The following PCDH9 variants were observed in gnomAD, a reference collection of about 807,000 sequenced individuals.
PCDH9 encodes the protein protocadherin 9.
In PCDH9, 24 loss-of-function variants were observed where a neutral mutation model predicts 70.6. The observed-to-expected ratio is 0.34, with a 90% CI of 0.25 to 0.48. The LOEUF is 0.48. Ranked by LOEUF, PCDH9 falls within the 20% of genes least tolerant of loss-of-function variation. The pLI is 0.99. For synonymous variants in PCDH9, 562 were observed against 558.5 expected, an observed-to-expected ratio of 1.01 and a Z score of -0.09; for missense variants, 1,281 against 1,503.6, an observed-to-expected ratio of 0.85 and a Z score of 2.45.
intron 2 of PCDH9, among the ~76,000 whole-genome samples, chr13:67,008,454 T>C (rs2084394419): frequency 6.6e-6 from 1 of 152,202 alleles, no homozygotes; most frequent in Non-Finnish European, 1.5e-5. Flanking sequence ...TCGGGAAATA[T>C]GCTGACTCTA....
chr13:67,204,681 T>C (rs1032404620), intron 2 of PCDH9: 1 of 152,182 alleles, frequency 6.6e-6, no homozygotes, highest in African/African-American at 2.4e-5. Context: ...CACTACAAAT[T>C]ATCACCAACA....
At chr13:66,659,504 G>A (rs912331592) in intron 3 of PCDH9, among the ~76,000 whole-genome samples, 2 of 135,446 alleles carry the variant, frequency 1.5e-5, no homozygotes, top group Admixed American at 7.3e-5. Flanking sequence ...ACCAGATACA[G>A]TTTAATGTGG....
intron 4 of PCDH9, among the ~76,000 whole-genome samples, chr13:66,556,683 T>A (rs549356366): frequency 1.3e-5 from 2 of 152,182 alleles, no homozygotes; most frequent in Admixed American, 1.3e-4. Flanking sequence ...AATTTAATCA[T>A]AAAAATTTTT....
At chr13:67,225,354 G>A in intron 2 of PCDH9, 51 bp downstream of exon 2, 1 of 1,547,080 alleles carries the variant, frequency 6.5e-7, no homozygotes, top group South Asian at 1.1e-5. Context: ...AATACTGGTT[G>A]ACTGGGCACT....
At chr13:66,622,020 C>G (rs1304665965) in intron 4 of PCDH9, among the ~76,000 whole-genome samples, 1 of 152,254 alleles carries the variant, frequency 6.6e-6, no homozygotes, top group African/African-American at 2.4e-5. Context: ...TGGGCGTGGG[C>G]TTGGTGGGCC....
At chr13:67,005,447 T>C (rs531414028) in intron 2 of PCDH9, among the ~76,000 whole-genome samples, 1 of 152,278 alleles carries the variant, frequency 6.6e-6, no homozygotes, top group East Asian at 1.9e-4. Flanking sequence ...TACTTATTAC[T>C]TTGTCATTAG....
intron 2 of PCDH9, among the ~76,000 whole-genome samples, chr13:67,014,878 C>A (rs543441282): frequency 6.6e-6 from 1 of 152,210 alleles, no homozygotes; most frequent in South Asian, 2.1e-4. Flanking sequence ...GCTGCCCCAC[C>A]ACTCCTTTTC....
At chr13:67,034,485 G>T (rs1188688729) in intron 2 of PCDH9, among the ~76,000 whole-genome samples, 1 of 151,972 alleles carries the variant, frequency 6.6e-6, no homozygotes, top group Non-Finnish European at 1.5e-5. Flanking sequence ...CAACCTTCCA[G>T]CATATGCAGC....
chr13:66,666,254 G>A (rs2078095425), intron 3 of PCDH9, among the ~76,000 whole-genome samples: 1 of 152,160 alleles, frequency 6.6e-6, no homozygotes, highest in South Asian at 2.1e-4. Flanking sequence ...GATGCCAGCA[G>A]ACCAGACTAG....
chr13:67,089,719 A>G (rs1472115254), intron 2 of PCDH9, among the ~76,000 whole-genome samples: 2 of 152,060 alleles, frequency 1.3e-5, no homozygotes, highest in South Asian at 2.1e-4. Flanking sequence ...TCTTTGGTCA[A>G]TAGTCAATCC....
chr13:66,849,587 G>A (rs9592491), intron 3 of PCDH9, among the ~76,000 whole-genome samples: 83,813 of 147,806 alleles, frequency 0.57, 25,451 homozygotes, highest in South Asian at 0.68. Flanking sequence ...GCATGAGTGG[G>A]ATGGGAGAAC....
At chr13:67,203,266 A>G (rs1385242868) in intron 2 of PCDH9, 1 of 152,130 alleles carries the variant, frequency 6.6e-6, no homozygotes, top group Non-Finnish European at 1.5e-5. Flanking sequence ...AAGCTTAAAG[A>G]CAATCATTTA....
At chr13:66,630,028 G>A (rs536327316) in intron 4 of PCDH9, among the ~76,000 whole-genome samples, 2 of 152,216 alleles carry the variant, frequency 1.3e-5, no homozygotes, top group African/African-American at 4.8e-5. Flanking sequence ...ATATTTTCAT[G>A]TTTGAAACAA....
intron 4 of PCDH9, among the ~76,000 whole-genome samples, chr13:66,505,269 T>C (rs188662667): frequency 2.8e-4 from 43 of 152,288 alleles, no homozygotes; most frequent in Admixed American, 7.2e-4. Flanking sequence ...TAAAAAAGGT[T>C]TAAGTGACTC....
chr13:66,762,696 G>A (rs1179089833), intron 3 of PCDH9, among the ~76,000 whole-genome samples: 1 of 151,904 alleles, frequency 6.6e-6, no homozygotes. Context: ...GGCAATCACT[G>A]GAAGTTCCTA....
rs1337872256 is a variant in PCDH9, at chr13:66,669,397, C to T, written c.3139-37986G>A. 3.9e-5 allele frequency among the ~76,000 whole-genome samples: 6 copies of T among 152,222 alleles called. No homozygotes were observed. The South Asian group carries it at 6.2e-4, about 16-fold the overall frequency. On this transcript the variant is annotated intron_variant, in intron 3 of 4. Coordinates refer to ENST00000377865, the MANE Select transcript of PCDH9 (RefSeq NM_203487.3). ...TGTCGGAATTGTCTAACTTAAATTG[C>T]GTGTCCTTGGGGCAGAGAGCAGTCT...
At chr13:66,496,237 A>G (rs1959114776) in intron 4 of PCDH9, among the ~76,000 whole-genome samples, 1 of 152,196 alleles carries the variant, frequency 6.6e-6, no homozygotes, top group Non-Finnish European at 1.5e-5. Flanking sequence ...CAGTAAACCA[A>G]CTAAAAACTT....
intron 3 of PCDH9, among the ~76,000 whole-genome samples, chr13:66,794,608 A>G (rs1594070315): frequency 6.6e-6 from 1 of 151,946 alleles, no homozygotes; most frequent in East Asian, 1.9e-4. Flanking sequence ...GGCTTTAACA[A>G]TCTCTGTGGA....
At chr13:67,106,323 T>G (rs2086542434) in intron 2 of PCDH9, among the ~76,000 whole-genome samples, 1 of 152,222 alleles carries the variant, frequency 6.6e-6, no homozygotes, top group South Asian at 2.1e-4. Context: ...CCATTCCATG[T>G]TAAAAGAGTT....
Sources: gnomAD v4.1 joint callset for allele counts (sites outside exome capture counted in the v4.1 genomes callset) on GRCh38, gnomAD v4.1.1 for gene constraint, MANE v1.5 for transcripts, NCBI Gene and HGNC (gene_info 2026-07-23, HGNC 2026-07-21) for gene names.